The following PDGFRB variants were observed in gnomAD, a reference collection of about 807,000 sequenced individuals.
PDGFRB encodes the protein platelet-derived growth factor receptor beta.
Under a neutral mutation model 120.2 loss-of-function variants are expected in PDGFRB, and 42 were observed. That is an observed-to-expected ratio of 0.35 (90% confidence interval 0.27 to 0.45). The LOEUF (loss-of-function observed/expected upper bound fraction) is 0.45. Ranked by LOEUF, PDGFRB falls within the 20% of genes least tolerant of loss-of-function variation. The pLI, the probability that PDGFRB is intolerant of heterozygous loss-of-function variation, is 1.00. For missense variants in PDGFRB, 1,149 were observed against 1,476.3 expected, an observed-to-expected ratio of 0.78 and a Z score of 3.63; for synonymous variants, 586 against 606.8, an observed-to-expected ratio of 0.97 and a Z score of 0.50.
intron 15 of PDGFRB, among the ~76,000 whole-genome samples, chr5:150,122,480 G>T (rs984526182): frequency 9.2e-5 from 14 of 152,264 alleles, no homozygotes; most frequent in Admixed American, 6.5e-4. Context: ...GCAGGAAAAA[G>T]ATGGGAGAAG....
At chr5:150,138,825 G>C (rs1197161785) in intron 1 of PDGFRB, among the ~76,000 whole-genome samples, 1 of 152,212 alleles carries the variant, frequency 6.6e-6, no homozygotes, top group Non-Finnish European at 1.5e-5. Flanking sequence ...AGAGATCTCA[G>C]CCAAAGAAAA....
intron 12 of PDGFRB, 139 bp from the exon 13 acceptor site, chr5:150,124,970 G>C (rs781677618): frequency 3.5e-6 from 2 of 573,220 alleles, no homozygotes; most frequent in African/African-American, 2.0e-5. Flanking sequence ...CACTCTCTTA[G>C]GTCAACCTAG....
At chr5:150,115,998 C>G in intron 22 of PDGFRB, 52 bp from the exon 23 acceptor site, 1 of 1,509,756 alleles carries the variant, frequency 6.6e-7, no homozygotes, top group African/African-American at 1.4e-5. Flanking sequence ...CAGGAGGATT[C>G]CAGCAGCAGT....
intron 22 of PDGFRB, 77 bp from the exon 23 acceptor site, chr5:150,116,023 G>A (rs988337336): frequency 1.3e-5 from 18 of 1,333,574 alleles, no homozygotes; most frequent in East Asian, 2.5e-5. Flanking sequence ...AAGAGCCTTC[G>A]GTGTGTCCAC....
In PDGFRB at chr5:150,132,227, C is replaced by T; in HGVS notation, c.1128-133G>A. ...GGTCATCTCGGCATTGGTAGCAGAGCCGGGACTCAAACCAGGTCTCGTAAA... is the reference window on the plus strand; with the variant it reads ...GGTCATCTCGGCATTGGTAGCAGAGTCGGGACTCAAACCAGGTCTCGTAAA... On this transcript the variant is annotated intron_variant, in intron 7 of 22. Coordinates refer to ENST00000261799, the MANE Select transcript of PDGFRB (RefSeq NM_002609.4). This position sits in a 1 kb window ranked among gnomAD's most constrained non-coding sequence, Gnocchi z 5.0. The T allele has an allele frequency of 1.6e-6, 1 of 614,338 alleles. No individual in the cohort carries two copies. Among genetic ancestry groups the T allele is most frequent in the East Asian group, 2.8e-5 (1 of 35,142 alleles). 38.1% of individuals were successfully genotyped at this position (614,338 alleles called of 1,614,324 possible).
intron 1 of PDGFRB, among the ~76,000 whole-genome samples, chr5:150,149,121 G>A (rs907261270): frequency 2.6e-5 from 4 of 152,198 alleles, no homozygotes; most frequent in African/African-American, 9.7e-5. Context: ...TGCTGGCTTG[G>A]CAGGGCAATG....
rs2229562 is a variant in PDGFRB at position 150,115,690 on chromosome 5, T to C, written c.*73A>G. The C allele has an allele frequency of 0.41, 574,065 of 1,407,234 alleles. 121,062 individuals carry two copies. Among genetic ancestry groups the C allele is most frequent in the Middle Eastern group, 0.45 (1,725 of 3,806 alleles). The allele number at this position is 1,407,234 out of a possible 1,614,324, so 87.2% of individuals were successfully genotyped here. A position where few individuals can be genotyped will look rare whatever the true frequency, so the allele number is the denominator to read the frequency against. On this transcript the variant is annotated 3_prime_UTR_variant, in exon 23 of 23. Coordinates refer to ENST00000261799, the MANE Select transcript of PDGFRB (RefSeq NM_002609.4). Reference sequence around the variant, plus strand: ...GCAGCCTGGCTGACAGGAAGCCCGGTCAGGCCAGGCCAGGAGATGCTGGGT... The same window carrying C: ...GCAGCCTGGCTGACAGGAAGCCCGGCCAGGCCAGGCCAGGAGATGCTGGGT...
Position 150,130,436 on chromosome 5 carries a change from C to T in PDGFRB, c.1367+103G>A, listed in dbSNP as rs1022832670. 7 of 1,162,278 alleles carry T rather than the reference C, an allele frequency of 6.0e-6. No homozygotes were observed. In the African/African-American group the frequency reaches 9.2e-5, roughly 15 times the overall value. The allele number at this position is 1,162,278 out of a possible 1,614,324, so 72.0% of individuals were successfully genotyped here. A position where few individuals can be genotyped will look rare whatever the true frequency, so the allele number is the denominator to read the frequency against. ...TGGCCTCCTAGGATGCAACTCTATG[C>T]CCGGAACAATATGCCAAGAAGAACG... is the stretch of plus-strand genomic sequence containing the variant. On this transcript the variant is annotated intron_variant, in intron 9 of 22. Coordinates refer to ENST00000261799, the MANE Select transcript of PDGFRB (RefSeq NM_002609.4).
Position 150,126,600 on chromosome 5 carries a change from C to T in PDGFRB, c.1594G>A (p.Val532Met). Reference sequence around the variant, plus strand: ...GCCAGGATGGCTGAGATCACCACCACCTTAAAGGGCAAGGCTGGAGGCAGA... The same window carrying T: ...GCCAGGATGGCTGAGATCACCACCATCTTAAAGGGCAAGGCTGGAGGCAGA... ...IVVPHSLPFK[V>M]VVISAILALV... The change falls in exon 11 of 23, where the codon GTG becomes ATG. Residue 532 changes from valine to methionine, a missense_variant. By Grantham distance (21) the Val-to-Met change is conservative (BLOSUM62 1). Around this residue, in one of 3 missense-constraint regions of PDGFRB, gnomAD observed 879 missense variants for 1,108.6 expected, o/e 0.79. Transcript: ENST00000261799. The T allele has an allele frequency of 6.2e-7, 1 of 1,600,224 alleles. No homozygotes were observed. Among genetic ancestry groups the T allele is most frequent in the Non-Finnish European group, 8.6e-7 (1 of 1,167,492 alleles).
chr5:150,135,651 G>A lies in PDGFRB; in HGVS notation c.268C>T (p.Leu90Phe), dbSNP rs765840983. 2 of 1,613,790 alleles carry A rather than the reference G, an allele frequency of 1.2e-6. No homozygotes were observed. Among genetic ancestry groups the A allele is most frequent in the Non-Finnish European group, 1.7e-6 (2 of 1,179,766 alleles). ...TATTCTCCCGTGTCTAGCCCAGTGA[G>A]GTTGGTCAGTGTGAGCACGCTGGAG... is the stretch of plus-strand genomic sequence containing the variant. ...TFSSVLTLTN[L>F]TGLDTGEYFC... Residue 90 changes from leucine to phenylalanine, a missense_variant, in exon 3 of 23, where the codon CTC becomes TTC. Coordinates refer to ENST00000261799, the MANE Select transcript of PDGFRB (RefSeq NM_002609.4).
chr5:150,121,006 A>G lies in PDGFRB; in HGVS notation c.2468T>C (p.Val823Ala). ...GTTCCTAGCCGCCAGGTCTCTGTGG[A>G]CGCACTGGGTTTGGGGAGAGGGGAG... The part of the protein sequence containing the change: ...GMEFLASKNC[V>A]HRDLAARNVL... The change falls in exon 18 of 23, where the codon GTC becomes GCC. Residue 823 changes from valine to alanine, a missense_variant. Physicochemically the swap from Val to Ala is moderately conservative, Grantham distance 64. Around this residue, in one of 3 missense-constraint regions of PDGFRB, gnomAD observed 879 missense variants for 1,108.6 expected, o/e 0.79. Transcript: ENST00000261799. The surrounding 1 kb of genome is among the most constrained non-coding windows in gnomAD (Gnocchi z 4.1). The G allele has an allele frequency of 6.2e-7, 1 of 1,613,946 alleles. No homozygotes were observed. Among genetic ancestry groups the G allele is most frequent in the Non-Finnish European group, 8.5e-7 (1 of 1,179,900 alleles).
intron 12 of PDGFRB, 60 bp from the exon 13 acceptor site, chr5:150,124,891 C>G: frequency 1.3e-6 from 1 of 771,952 alleles, no homozygotes; most frequent in Non-Finnish European, 2.1e-6. Flanking sequence ...GCTCCCCCAG[C>G]TGCCCCCCTC....
At position 150,132,171 on chromosome 5, in the gene PDGFRB, A is replaced by G. The variant is rs925120304; in HGVS notation, c.1128-77T>C. 19 of 796,810 alleles carry G rather than the reference A, an allele frequency of 2.4e-5. No homozygotes were observed. The highest frequency in any genetic ancestry group is 1.3e-4 in the East Asian group (5 of 39,230). The allele number at this position is 796,810 out of a possible 1,614,324, so 49.4% of individuals were successfully genotyped here. On this transcript the variant is annotated intron_variant, in intron 7 of 22. Coordinates refer to ENST00000261799, the MANE Select transcript of PDGFRB (RefSeq NM_002609.4). The surrounding 1 kb of genome is among the most constrained non-coding windows in gnomAD (Gnocchi z 5.0). ...CCCCACCCTCCTGGTATAAAGAGGA[A>G]CAAGGCCCAGGGAGGGGAAGGGCTT... is the stretch of plus-strand genomic sequence containing the variant.
chr5:150,144,818 C>G (rs1760876019), intron 1 of PDGFRB, among the ~76,000 whole-genome samples: 1 of 152,204 alleles, frequency 6.6e-6, no homozygotes, highest in Admixed American at 6.5e-5. Context: ...AGAGCAAGCA[C>G]TTCCTGCCTC....
intron 15 of PDGFRB, among the ~76,000 whole-genome samples, chr5:150,122,507 A>T (rs976295427): frequency 6.6e-6 from 1 of 152,266 alleles, no homozygotes; most frequent in Admixed American, 6.5e-5. Flanking sequence ...GGCTCCTGGG[A>T]GACTGAATGT....
In PDGFRB at chr5:150,119,524, T is replaced by C. The variant is rs1436303129; in HGVS notation, c.2741A>G (p.Tyr914Cys). The C allele has an allele frequency of 1.2e-6, 2 of 1,613,582 alleles. No homozygotes were observed. Among genetic ancestry groups the C allele is most frequent in the Non-Finnish European group, 1.7e-6 (2 of 1,179,466 alleles). The change falls in exon 20 of 23, where the codon TAC (tyrosine) becomes TGC (cysteine). Residue 914 changes from tyrosine (Y) to cysteine (C), a missense_variant. Around this residue, in one of 3 missense-constraint regions of PDGFRB, gnomAD observed 68 missense variants for 153.3 expected, o/e 0.44. Transcript: ENST00000261799. The stretch of plus-strand genomic sequence containing the variant: ...GCGGTAACCCCGTTTGATGGCATTG[T>C]AGAACTGCTCGTTCATGGGCAGCTC... ...YPELPMNEQF[Y>C]NAIKRGYRMA...
chr5:150,147,117 G>A (rs865888721), intron 1 of PDGFRB, among the ~76,000 whole-genome samples: 4 of 152,126 alleles, frequency 2.6e-5, no homozygotes, highest in East Asian at 1.9e-4. Context: ...GTGTGTGGCC[G>A]GCTCTGCCAC....
At chr5:150,134,181 T>G in intron 4 of PDGFRB, 173 bp from the exon 5 acceptor site, 1 of 641,370 alleles carries the variant, frequency 1.6e-6, no homozygotes, top group East Asian at 2.7e-5. Context: ...TTCTGGACAC[T>G]GGAGCAACAG....
At position 150,129,921 on chromosome 5, in the gene PDGFRB, T is replaced by A. The variant is rs371842708; in HGVS notation, c.1415A>T (p.Glu472Val). The change falls in exon 10 of 23, where the codon GAG becomes GTG. Residue 472 changes from glutamate to valine, a missense_variant. Physicochemically the swap from Glu to Val is moderately radical, Grantham distance 121. This residue lies in a region of PDGFRB where 879 missense variants were observed against 1,108.6 expected (regional missense o/e 0.79). Coordinates refer to ENST00000261799, the MANE Select transcript of PDGFRB (RefSeq NM_002609.4). ...CACGTTAGTCTCCAGCTGGCTCTCC[T>A]CTTCGGAACTGTTCCCCAGCAGCGT... Reference protein sequence around the residue: ...PPTLLGNSSEEESQLETNVTY... With the variant: ...PPTLLGNSSEVESQLETNVTY... 5 of 1,614,018 alleles carry A rather than the reference T, an allele frequency of 3.1e-6. No individual in the cohort carries two copies. In the African/African-American group the frequency reaches 5.3e-5, roughly 17 times the overall value.
Sources: allele counts gnomAD v4.1 joint callset (sites outside exome capture counted in the v4.1 genomes callset), GRCh38; gene constraint gnomAD v4.1.1; regional missense constraint gnomAD v4.1.1; non-coding constraint Gnocchi (gnomAD v3.1); transcripts MANE v1.5; gene names NCBI Gene and HGNC (gene_info 2026-07-23, HGNC 2026-07-21).